Variants in MASP1 observed in about 807,000 individuals in gnomAD.
MASP1 encodes the protein MBL associated serine protease 1.
A neutral mutation model predicts 77.1 loss-of-function variants in MASP1; 59 were observed. That is an observed-to-expected ratio of 0.77 (90% confidence interval 0.62 to 0.95). The LOEUF (loss-of-function observed/expected upper bound fraction) is 0.95, where lower values mean the gene tolerates loss of function less well. Ranked by LOEUF, MASP1 falls within the 40% of genes least tolerant of loss-of-function variation. MASP1 has a pLI of 0.00. For missense variants in MASP1, 885 were observed against 912.9 expected, an observed-to-expected ratio of 0.97 and a Z score of 0.39; for synonymous variants, 362 against 354.5, an observed-to-expected ratio of 1.02 and a Z score of -0.24.
intron 11 of MASP1, among the ~76,000 whole-genome samples, chr3:187,227,779 TG>T (rs969527284): frequency 1.3e-5 from 2 of 152,202 alleles, no homozygotes; most frequent in African/African-American, 4.8e-5. Context: ...TGCCTTGGTC[TG>T]GGGCTCTGGG....
chr3:187,266,886 C>A (rs1434272527), intron 2 of MASP1, among the ~76,000 whole-genome samples: 2 of 152,142 alleles, frequency 1.3e-5, no homozygotes, highest in African/African-American at 2.4e-5. Flanking sequence ...GGGAAGACAG[C>A]TACTCTATGG....
downstream of MASP1, among the ~76,000 whole-genome samples, chr3:187,232,141 T>C (rs146075739): frequency 2.5e-3 from 379 of 152,278 alleles, 1 homozygote; most frequent in African/African-American, 7.1e-3. Flanking sequence ...CTTAGCAGCA[T>C]TGGGTGCTGT....
intron 12 of MASP1, chr3:187,225,619 G>T: frequency 1.8e-6 from 2 of 1,089,970 alleles, no homozygotes; most frequent in East Asian, 2.4e-5. Context: ...TCCAGCCTTA[G>T]CCCTTTCACT....
chr3:187,231,458 C>T (rs535914190), downstream of MASP1, among the ~76,000 whole-genome samples: 19 of 152,258 alleles, frequency 1.2e-4, no homozygotes, highest in South Asian at 2.1e-3. Context: ...CCTTTGGAGC[C>T]GGATTCAGAA....
chr3:187,229,722 C>G (rs1252568914), downstream of MASP1: 7 of 1,611,802 alleles, frequency 4.3e-6, no homozygotes, highest in Middle Eastern at 1.7e-4. Flanking sequence ...GGAGGGGGTT[C>G]AGTTCCTTAG....
At chr3:187,273,733 C>G (rs1372910919) in intron 2 of MASP1, among the ~76,000 whole-genome samples, 1 of 152,156 alleles carries the variant, frequency 6.6e-6, no homozygotes, top group Non-Finnish European at 1.5e-5. Context: ...AAACTTGGGT[C>G]TAGAAACGAA....
chr3:187,252,222 A>G (rs1021232217), intron 6 of MASP1, among the ~76,000 whole-genome samples: 4 of 152,164 alleles, frequency 2.6e-5, no homozygotes, highest in Admixed American at 6.5e-5. Context: ...AGGGAGCTCA[A>G]TGCCTCCCTA....
At chr3:187,226,124 C>G (rs1475512163) in intron 12 of MASP1, 1 of 455,840 alleles carries the variant, frequency 2.2e-6, no homozygotes, top group African/African-American at 2.0e-5. Flanking sequence ...CTATTTGAAA[C>G]CACAGGTTCA....
Position 187,244,887 on chromosome 3 carries a change from G to A in MASP1, c.1091-1266C>T, listed in dbSNP as rs138470067. On this transcript the variant is annotated intron_variant, in intron 8 of 10. Transcript: ENST00000296280. Reference sequence around the variant, plus strand: ...AGTGAGATATAATTTATCCCTGAGTGCCATTTAGACATTGTGATTTTAACT... The same window carrying A: ...AGTGAGATATAATTTATCCCTGAGTACCATTTAGACATTGTGATTTTAACT... 8 of 152,322 alleles carry A rather than the reference G, an allele frequency of 5.3e-5. No individual in the cohort carries two copies. In the East Asian group the frequency reaches 1.5e-3, roughly 29 times the overall value. The allele number at this position is 152,322 out of a possible 1,614,324, so 9.4% of individuals were successfully genotyped here. A position where few individuals can be genotyped will look rare whatever the true frequency, so the allele number is the denominator to read the frequency against.
chr3:187,243,157 G>A (rs1713797360), intron 9 of MASP1: 3 of 360,266 alleles, frequency 8.3e-6, no homozygotes, highest in African/African-American at 6.3e-5. Context: ...TTCCTTTAGG[G>A]TCTCGTTTCT....
chr3:187,257,576 G>T (rs1037096251), intron 4 of MASP1, among the ~76,000 whole-genome samples: 2 of 151,974 alleles, frequency 1.3e-5, no homozygotes, highest in Non-Finnish European at 2.9e-5. Context: ...GTAGAGATGG[G>T]GTCTTGCTAT....
At position 187,235,967 on chromosome 3, in the gene MASP1, T is replaced by C; in HGVS notation, c.1904A>G (p.Glu635Gly). Residue 635 changes from glutamate to glycine, a missense_variant, in exon 11 of 11, where the codon GAG (glutamate) becomes GGG (glycine). By Grantham distance (98) the Glu-to-Gly change is moderately conservative. Transcript: ENST00000296280. ...VPHAECKTSY[E>G]SRSGNYSVTE... is the part of the protein sequence containing the mutation. The stretch of plus-strand genomic sequence containing the variant: ...GACGCTGTAATTGCCCGAGCGGGAC[T>C]CATAGCTAGTTTTGCACTCAGCGTG... The C allele has an allele frequency of 6.2e-7, 1 of 1,614,252 alleles. No individual in the cohort carries two copies. The highest frequency in any genetic ancestry group is 8.5e-7 in the Non-Finnish European group (1 of 1,180,046).
downstream of MASP1, chr3:187,230,031 A>G (rs1040579911): frequency 4.8e-5 from 46 of 949,814 alleles, no homozygotes; most frequent in African/African-American, 6.9e-4. Flanking sequence ...GACCTTCCTG[A>G]TAATAGCATC....
Position 187,221,084 on chromosome 3 carries a change from CG to C in MASP1, c.1859del (p.Pro620ArgfsTer2). 1.9e-6 allele frequency: 3 copies of C among 1,614,112 alleles called. No individual in the cohort carries two copies. Among genetic ancestry groups the C allele is most frequent in the Non-Finnish European group, 2.5e-6 (3 of 1,179,968 alleles). Reference sequence around the variant, plus strand: ...TGTCCCTGGTCACTTTCTTCTTCAGCGGGGCATAAGCCTTCTGGCAGGTGCT... The same window carrying C: ...TGTCCCTGGTCACTTTCTTCTTCAGCGGGCATAAGCCTTCTGGCAGGTGCT... On this transcript the variant is annotated frameshift_variant, in exon 15 of 16. Transcript: ENST00000337774. LOFTEE classifies it high-confidence loss of function.
In MASP1 at chr3:187,253,330, A is replaced by G; in HGVS notation, c.745-15T>C. 6.2e-7 allele frequency: 1 copy of G among 1,609,902 alleles called. No individual in the cohort carries two copies. The highest frequency in any genetic ancestry group is 8.5e-7 in the Non-Finnish European group (1 of 1,176,654). ...CCAACTTTGATCTGCAAAATATGAG[A>G]GAGAGAGAGAGAAATAGAGTGTTCC... On this transcript the variant is annotated splice_polypyrimidine_tract_variant and intron_variant, in intron 5 of 10. Transcript: ENST00000296280.
Position 187,235,615 on chromosome 3 carries a change from T to G in MASP1, c.*69A>C. ...ATTCCATATGGTCTGATAAGTAATG[T>G]GGAGTGTGCTGTCGGAAGTGCGGTG... On this transcript the variant is annotated 3_prime_UTR_variant, in exon 11 of 11. Transcript: ENST00000296280. 2 of 1,605,376 alleles carry G rather than the reference T, an allele frequency of 1.2e-6. No homozygotes were observed. Among genetic ancestry groups the G allele is most frequent in the Non-Finnish European group, 1.7e-6 (2 of 1,179,646 alleles).
At chr3:187,243,192 C>T in intron 9 of MASP1, 1 of 410,698 alleles carries the variant, frequency 2.4e-6, no homozygotes, top group South Asian at 2.2e-5. Flanking sequence ...CAGTGTGTGA[C>T]TCCTTCACGC....
Position 187,235,809 on chromosome 3 carries a change from C to G in MASP1, c.2062G>C (p.Gly688Arg). The change falls in exon 11 of 11, where the codon GGA becomes CGA. Residue 688 changes from glycine to arginine, a missense_variant. Gly to Arg is a moderately radical substitution (Grantham distance 125, BLOSUM62 -2). Coordinates refer to ENST00000296280, the MANE Select transcript of MASP1 (RefSeq NM_139125.4). ...WVVQGLVSWG[G>R]PEECGSKQVY... The stretch of plus-strand genomic sequence containing the variant: ...TGCTTGCTGCCGCATTCTTCAGGTC[C>G]CCCCCAGGACACCAGGCCTTGCACC... 6.2e-7 allele frequency: 1 copy of G among 1,614,168 alleles called. No homozygotes were observed. Among genetic ancestry groups the G allele is most frequent in the Non-Finnish European group, 8.5e-7 (1 of 1,180,034 alleles).
At chr3:187,261,875 G>T (rs921675660) in intron 3 of MASP1, among the ~76,000 whole-genome samples, 1 of 152,190 alleles carries the variant, frequency 6.6e-6, no homozygotes, top group East Asian at 1.9e-4. Flanking sequence ...TCATACAATG[G>T]AAAATTACTC....
Sources: allele counts gnomAD v4.1 joint callset (sites outside exome capture counted in the v4.1 genomes callset), GRCh38; gene constraint gnomAD v4.1.1; transcripts MANE v1.5; gene names NCBI Gene and HGNC (gene_info 2026-07-23, HGNC 2026-07-21).